MARK4: variants seen among roughly 807,000 people sequenced by gnomAD.
The protein encoded by MARK4 is microtubule affinity regulating kinase 4.
MARK4 carries 19 observed loss-of-function variants against 81.5 expected under a neutral mutation model. That is an observed-to-expected ratio of 0.23 (90% confidence interval 0.16 to 0.34). The LOEUF is 0.34. Among genes scored for constraint, MARK4 ranks in the 10% least tolerant of loss-of-function variants. The probability of loss-of-function intolerance (pLI) is 1.00; values close to 1 mark genes in which losing one functional copy is unlikely to be tolerated. For missense variants in MARK4, 772 were observed against 1,058.8 expected (o/e 0.73, Z 3.76); for synonymous variants, 436 against 439.0 (o/e 0.99, Z 0.08).
At chr19:45,266,730 CTTTTTT>C (rs35618045) in intron 7 of MARK4, among the ~76,000 whole-genome samples, 1 of 124,264 alleles carries the variant, frequency 8.0e-6, no homozygotes, top group Non-Finnish European at 1.7e-5. Context: ...AATCTGAGAA[CTTTTTT>C]TTTTTTTTTT....
At chr19:45,282,593 C>T (rs545693358) in intron 12 of MARK4, among the ~76,000 whole-genome samples, 3 of 151,816 alleles carry the variant, frequency 2.0e-5, no homozygotes. Context: ...TTTAGGAAGC[C>T]GAGGTGGGAG....
intron 12 of MARK4, among the ~76,000 whole-genome samples, chr19:45,281,301 G>A (rs1469636247): frequency 4.0e-5 from 6 of 149,844 alleles, no homozygotes; most frequent in African/African-American, 2.5e-5. Flanking sequence ...ATCCACCCTC[G>A]GCCTCCCAAA....
chr19:45,282,645 G>A (rs1261466761), intron 12 of MARK4, among the ~76,000 whole-genome samples: 1 of 152,074 alleles, frequency 6.6e-6, no homozygotes, highest in Non-Finnish European at 1.5e-5. Context: ...GGCCAAGATG[G>A]TGAAACCCTG....
rs1227385872 is a variant in MARK4 at position 45,278,430 on chromosome 19, G to A, written c.907-86G>A. The A allele has an allele frequency of 1.6e-5, 19 of 1,199,984 alleles. 1 individual carries two copies. Among genetic ancestry groups the A allele is most frequent in the South Asian group, 1.2e-4 (10 of 80,208 alleles). The allele number at this position is 1,199,984 out of a possible 1,614,324, so 74.3% of individuals were successfully genotyped here. A position where few individuals can be genotyped will look rare whatever the true frequency, so the allele number is the denominator to read the frequency against. On this transcript the variant is annotated intron_variant, in intron 9 of 16. Coordinates refer to ENST00000262891, the MANE Select transcript of MARK4 (RefSeq NM_001199867.2). ...CCCGCAATTCTGGGTGTTAGGCCTC[G>A]GAGGTTTGGGGCAGGGCAGAAGCTG... is the stretch of plus-strand genomic sequence containing the variant.
Position 45,280,621 on chromosome 19 carries a change from G to T in MARK4, c.1163G>T (p.Arg388Leu). ...CCAGGGCTGGCCCTGGCACGGGTGC[G>T]GGCGCCCAGCGACACCACCAACGGA... ...GAPGLALARV[R>L]APSDTTNGTS... The change falls in exon 12 of 17, where the codon CGG (arginine) becomes CTG (leucine). Residue 388 changes from arginine (R) to leucine (L), a missense_variant. Physicochemically the swap from Arg to Leu is moderately radical, Grantham distance 102. This residue lies in a region of MARK4 where 548 missense variants were observed against 624.3 expected (regional missense o/e 0.88). Transcript: ENST00000262891. 6.2e-7 allele frequency: 1 copy of T among 1,614,052 alleles called. No individual in the cohort carries two copies. Among genetic ancestry groups the T allele is most frequent in the Non-Finnish European group, 8.5e-7 (1 of 1,179,960 alleles).
intron 13 of MARK4, among the ~76,000 whole-genome samples, chr19:45,289,507 A>T (rs1397527083): frequency 6.6e-6 from 1 of 151,926 alleles, no homozygotes; most frequent in Non-Finnish European, 1.5e-5. Flanking sequence ...ACGGTGGCTC[A>T]TGCCTATAAT....
chr19:45,278,415 T>A, intron 9 of MARK4, 101 bp from the exon 10 acceptor site: 1 of 1,032,210 alleles, frequency 9.7e-7, no homozygotes, highest in Non-Finnish European at 1.5e-6. Flanking sequence ...CCCGCAATTC[T>A]GGGTGTTAGG....
rs1342870025 is a variant in MARK4, at chr19:45,287,541, G to A, written c.1371G>A (p.Ala457=). 6.3e-6 allele frequency: 10 copies of A among 1,579,462 alleles called. No individual in the cohort carries two copies. Among genetic ancestry groups the A allele is most frequent in the South Asian group, 1.1e-5 (1 of 87,366 alleles). The stretch of plus-strand genomic sequence containing the variant: ...AGGAGCGGCTGCCAGGCCGGAAGGC[G>A]AGCTGCAGCACCGCGGGGAGTGGGA... ...LKEERLPGRK[A]SCSTAGSGSR... Residue 457 remains alanine, a synonymous_variant, in exon 13 of 17, where the codon GCG becomes GCA. Coordinates refer to ENST00000262891, the MANE Select transcript of MARK4 (RefSeq NM_001199867.2).
chr19:45,302,974 T>C lies in MARK4; in HGVS notation c.*264T>C, dbSNP rs1970998575. 2 of 548,276 alleles carry C rather than the reference T, an allele frequency of 3.6e-6. No homozygotes were observed. Among genetic ancestry groups the C allele is most frequent in the Non-Finnish European group, 3.2e-6 (1 of 313,850 alleles). The allele number at this position is 548,276 out of a possible 1,614,324, so 34.0% of individuals were successfully genotyped here. On this transcript the variant is annotated 3_prime_UTR_variant, in exon 17 of 17. Coordinates refer to ENST00000262891, the MANE Select transcript of MARK4 (RefSeq NM_001199867.2). The surrounding 1 kb of genome is among the most constrained non-coding windows in gnomAD (Gnocchi z 4.9). The stretch of plus-strand genomic sequence containing the variant: ...TCCCTCGCCCTACCAAGAGGGCACC[T>C]GAGGAGACTTTGGGGACAGGGCAGG...
Position 45,303,271 on chromosome 19 carries a change from A to G in MARK4, c.*561A>G, listed in dbSNP as rs983921763. On this transcript the variant is annotated 3_prime_UTR_variant, in exon 17 of 17. Transcript: ENST00000262891. The stretch of plus-strand genomic sequence containing the variant: ...GGTCTCTTGAGGAGCTGCCGCTGTC[A>G]CCTACGGTTTTTAAGTTATTACACC... 1 of 154,948 alleles carries G rather than the reference A, an allele frequency of 6.5e-6. No individual in the cohort carries two copies. The highest frequency in any genetic ancestry group is 2.4e-5 in the African/African-American group (1 of 41,306). The allele number at this position is 154,948 out of a possible 1,614,324, so 9.6% of individuals were successfully genotyped here.
At position 45,271,370 on chromosome 19, in the gene MARK4, C is replaced by A; in HGVS notation, c.550-102C>A. 1.7e-6 allele frequency: 2 copies of A among 1,166,470 alleles called. No homozygotes were observed. Among genetic ancestry groups the A allele is most frequent in the Non-Finnish European group, 1.2e-6 (1 of 800,072 alleles). 72.3% of individuals were successfully genotyped at this position (1,166,470 alleles called of 1,614,324 possible). Reference sequence around the variant, plus strand: ...AAAGGACAGGCCCAAGAGTTGATCCCTGTGGGCCAGCCCTAGAGCCTGTGC... The same window carrying A: ...AAAGGACAGGCCCAAGAGTTGATCCATGTGGGCCAGCCCTAGAGCCTGTGC... On this transcript the variant is annotated intron_variant, in intron 7 of 16. Transcript: ENST00000262891. This position sits in a 1 kb window ranked among gnomAD's most constrained non-coding sequence, Gnocchi z 4.1.
intron 6 of MARK4, 82 bp from the exon 7 acceptor site, chr19:45,266,129 AGGCCTGGGGCCCAG>A (rs1361059241): frequency 1.6e-6 from 2 of 1,248,626 alleles, no homozygotes; most frequent in Middle Eastern, 3.8e-4. Flanking sequence ...TGCCTTGGGG[AGGCCTGGGGCCCAG>A]CTGTGAGTGG....
intron 1 of MARK4, among the ~76,000 whole-genome samples, chr19:45,257,988 C>CTT (rs750146000): frequency 8.4e-5 from 11 of 131,668 alleles, no homozygotes; most frequent in African/African-American, 1.1e-4. Context: ...CATGCCTGGC[C>CTT]TTTTTTTTTT....
At chr19:45,260,350 A>T (rs552772930) in intron 2 of MARK4, among the ~76,000 whole-genome samples, 29 of 150,300 alleles carry the variant, frequency 1.9e-4, no homozygotes, top group South Asian at 6.3e-4. Context: ...AGATGGTGCC[A>T]CTGTATTCCG....
chr19:45,274,957 A>T (rs1343493571), intron 8 of MARK4, among the ~76,000 whole-genome samples: 4 of 152,122 alleles, frequency 2.6e-5, no homozygotes, highest in Admixed American at 2.6e-4. Flanking sequence ...CACCTGTAAG[A>T]TGAAGACACT....
intron 9 of MARK4, 72 bp from the exon 10 acceptor site, chr19:45,278,443 AG>A: frequency 7.5e-7 from 1 of 1,336,196 alleles, no homozygotes; most frequent in Non-Finnish European, 1.1e-6. Context: ...GGTTTGGGGC[AG>A]GGCAGAAGCT....
rs187818099 is a variant in MARK4 at position 45,263,011 on chromosome 19, C to G, written c.253-102C>G. ...AACTCCTGGCCTCAAGTGATCCTCCCGCCTTGGTCTTCCCAAAATGCTGGG... is the reference window on the plus strand; with the variant it reads ...AACTCCTGGCCTCAAGTGATCCTCCGGCCTTGGTCTTCCCAAAATGCTGGG... On this transcript the variant is annotated intron_variant, in intron 2 of 16. Transcript: ENST00000262891. 593 of 1,370,758 alleles carry G rather than the reference C, an allele frequency of 4.3e-4. 3 individuals are homozygous for G. The East Asian group carries it at 0.015, about 34-fold the overall frequency. 84.9% of individuals were successfully genotyped at this position (1,370,758 alleles called of 1,614,324 possible).
chr19:45,296,614 T>C (rs1316522804), intron 14 of MARK4, among the ~76,000 whole-genome samples: 1 of 152,262 alleles, frequency 6.6e-6, no homozygotes, highest in Non-Finnish European at 1.5e-5. Flanking sequence ...GGTGGCCATG[T>C]GCAGTGCTCA....
intron 7 of MARK4, among the ~76,000 whole-genome samples, chr19:45,270,801 G>A (rs778941887): frequency 7.3e-5 from 11 of 151,604 alleles, no homozygotes; most frequent in Non-Finnish European, 1.3e-4. Flanking sequence ...ACGGAGTTTC[G>A]CTCTTGTTGC....
Sources: allele counts gnomAD v4.1 joint callset (sites outside exome capture counted in the v4.1 genomes callset), GRCh38; gene constraint gnomAD v4.1.1; regional missense constraint gnomAD v4.1.1; non-coding constraint Gnocchi (gnomAD v3.1); transcripts MANE v1.5; gene names NCBI Gene and HGNC (gene_info 2026-07-23, HGNC 2026-07-21).